EFCAB5: variants seen among roughly 807,000 people sequenced by gnomAD.
EFCAB5 encodes EF-hand calcium binding domain 5.
Under a neutral mutation model 167.9 loss-of-function variants are expected in EFCAB5, and 131 were observed. The observed-to-expected ratio is 0.78, with a 90% CI of 0.68 to 0.90. EFCAB5 has a LOEUF of 0.90. Ranked by LOEUF, EFCAB5 falls within the 40% of genes least tolerant of loss-of-function variation. The pLI, the probability that EFCAB5 is intolerant of heterozygous loss-of-function variation, is 0.00. For missense variants in EFCAB5, 1,663 were observed against 1,745.2 expected (o/e 0.95, Z 0.84); for synonymous variants, 574 against 602.8 (o/e 0.95, Z 0.70).
rs578193515 is a variant in EFCAB5 at position 30,090,464 on chromosome 17, G to A, written c.3727G>A (p.Ala1243Thr). 4.3e-6 allele frequency: 7 copies of A among 1,613,864 alleles called. No individual in the cohort carries two copies. In the Admixed American group the frequency reaches 5.0e-5, roughly 12 times the overall value. The change falls in exon 20 of 23, where the codon GCT becomes ACT. Residue 1243 changes from alanine to threonine, a missense_variant. Transcript: ENST00000394835. ...KCTDSSEVVL[A>T]SACGETHIVV... ...TACTGACAGTTCAGAAGTTGTTCTG[G>A]CTTCTGCCTGTGGAGAAACGCATAT...
chr17:29,992,324 G>A (rs1240848438), intron 4 of EFCAB5, among the ~76,000 whole-genome samples: 3 of 151,966 alleles, frequency 2.0e-5, no homozygotes, highest in African/African-American at 7.3e-5. Context: ...CTTTTTAAAG[G>A]CTGTATAGTA....
At chr17:30,051,994 G>A (rs1021204925) in intron 9 of EFCAB5, among the ~76,000 whole-genome samples, 9 of 151,058 alleles carry the variant, frequency 6.0e-5, no homozygotes, top group African/African-American at 1.9e-4. Context: ...GTTATTTTAC[G>A]TTTTCAGAGA....
intron 8 of EFCAB5, among the ~76,000 whole-genome samples, chr17:30,035,137 A>C (rs1277311940): frequency 1.3e-5 from 2 of 152,208 alleles, no homozygotes; most frequent in Non-Finnish European, 2.9e-5. Context: ...TGAAGTCAGG[A>C]ATATATTTTA....
chr17:30,000,128 T>G (rs2068631116), intron 7 of EFCAB5, among the ~76,000 whole-genome samples, 152 bp downstream of exon 7: 1 of 152,180 alleles, frequency 6.6e-6, no homozygotes, highest in South Asian at 2.1e-4. Flanking sequence ...ATATTTCAAC[T>G]CCTCTGAAAT....
intron 8 of EFCAB5, 42 bp from the exon 9 acceptor site, chr17:30,051,076 A>G: frequency 6.3e-7 from 1 of 1,588,302 alleles, no homozygotes; most frequent in Non-Finnish European, 8.6e-7. Flanking sequence ...AAAATCTTAA[A>G]TCTCCTGTAA....
chr17:30,012,647 C>T (rs187069951), intron 7 of EFCAB5, among the ~76,000 whole-genome samples: 21 of 152,228 alleles, frequency 1.4e-4, no homozygotes, highest in Admixed American at 3.9e-4. Context: ...TACTGGTCTC[C>T]GCGACTTGGT....
chr17:30,042,013 CT>C (rs879791202), intron 8 of EFCAB5, among the ~76,000 whole-genome samples: 211 of 146,104 alleles, frequency 1.4e-3, no homozygotes, highest in Middle Eastern at 3.5e-3. Flanking sequence ...ATAAACATAA[CT>C]TTTTTTTTTT....
chr17:29,998,992 T>C (rs1486268048), intron 6 of EFCAB5, among the ~76,000 whole-genome samples: 2 of 152,150 alleles, frequency 1.3e-5, no homozygotes, highest in African/African-American at 4.8e-5. Flanking sequence ...TGTGATATCA[T>C]TCTCTTGATT....
chr17:30,055,963 C>A lies in EFCAB5; in HGVS notation c.2270C>A (p.Ser757Ter). Residue 757 changes from serine (S) to a stop codon, truncating the protein, a stop_gained and splice_region_variant, in exon 11 of 23, where the codon TCA (serine) becomes TAA (stop). Coordinates refer to ENST00000394835, the MANE Select transcript of EFCAB5 (RefSeq NM_198529.4). LOFTEE classifies it high-confidence loss of function. Reference sequence around the variant, plus strand: ...CAAAAAATAGAAGGAAAGTCATGGTCAGGTAACTCCTCATTTAATCCTCCT... The same window carrying A: ...CAAAAAATAGAAGGAAAGTCATGGTAAGGTAACTCCTCATTTAATCCTCCT... Reference protein sequence around the residue: ...KSQKIEGKSWSGEFFTCNWKM... With the variant: ...KSQKIEGKSW The A allele has an allele frequency of 1.2e-6, 2 of 1,613,584 alleles. No individual in the cohort carries two copies. The highest frequency in any genetic ancestry group is 2.2e-5 in the South Asian group (2 of 90,962).
intron 8 of EFCAB5, among the ~76,000 whole-genome samples, chr17:30,037,180 G>A (rs1294123596): frequency 6.6e-6 from 1 of 152,106 alleles, no homozygotes; most frequent in Non-Finnish European, 1.5e-5. Flanking sequence ...TAGAAGGTAG[G>A]GTGTAGGTAG....
intron 14 of EFCAB5, among the ~76,000 whole-genome samples, chr17:30,067,330 A>G (rs2070599989): frequency 6.6e-6 from 1 of 152,136 alleles, no homozygotes; most frequent in African/African-American, 2.4e-5. Flanking sequence ...AGAATAAAAG[A>G]AAGGCTGGGT....
At chr17:29,972,041 A>G (rs1567687389) in intron 4 of EFCAB5, among the ~76,000 whole-genome samples, 4 of 150,880 alleles carry the variant, frequency 2.7e-5, no homozygotes, top group Admixed American at 2.6e-4. Context: ...TGAAAACGTC[A>G]TGCATTTTTT....
chr17:30,099,490 C>T (rs961233669), intron 22 of EFCAB5, among the ~76,000 whole-genome samples: 8 of 152,074 alleles, frequency 5.3e-5, no homozygotes, highest in African/African-American at 1.9e-4. Flanking sequence ...ATCAGTGTGA[C>T]CTTTCTTTGT....
intron 7 of EFCAB5, among the ~76,000 whole-genome samples, chr17:30,011,837 C>T (rs1008194201): frequency 8.6e-5 from 13 of 151,936 alleles, no homozygotes; most frequent in African/African-American, 1.9e-4. Flanking sequence ...ACCGAGGACG[C>T]GAGCTGTTCC....
chr17:29,943,702 G>C, intron 3 of EFCAB5, 53 bp downstream of exon 3: 1 of 1,483,266 alleles, frequency 6.7e-7, no homozygotes, highest in Admixed American at 2.0e-5. Flanking sequence ...GGCTGGGCGT[G>C]GTGGCTCATG....
chr17:30,092,689 A>G (rs893357295), intron 21 of EFCAB5, 151 bp from the exon 22 acceptor site: 6 of 501,230 alleles, frequency 1.2e-5, no homozygotes, highest in African/African-American at 1.0e-4. Context: ...ACACCCGGCC[A>G]TGGGTAACCA....
intron 13 of EFCAB5, 82 bp from the exon 14 acceptor site, chr17:30,059,463 C>T: frequency 7.1e-7 from 1 of 1,406,378 alleles, no homozygotes; most frequent in South Asian, 1.8e-5. Context: ...AGACGCTGGA[C>T]TTTTTTTGGA....
At chr17:30,069,730 G>A in intron 14 of EFCAB5, 1 of 908,184 alleles carries the variant, frequency 1.1e-6, no homozygotes, top group Non-Finnish European at 1.7e-6. Flanking sequence ...CCCCGGTGCT[G>A]GAGCATGGTA....
chr17:30,054,292 C>A, intron 10 of EFCAB5, 144 bp downstream of exon 10: 1 of 1,020,656 alleles, frequency 9.8e-7, no homozygotes, highest in Non-Finnish European at 1.4e-6. Context: ...TGCTGCTCCA[C>A]ATTAGTCTAG....
Sources: allele counts gnomAD v4.1 joint callset (sites outside exome capture counted in the v4.1 genomes callset), GRCh38; gene constraint gnomAD v4.1.1; transcripts MANE v1.5; gene names NCBI Gene and HGNC (gene_info 2026-07-23, HGNC 2026-07-21).